Variants in VPS13D observed in about 807,000 individuals in gnomAD.
VPS13D encodes intermembrane lipid transfer protein VPS13D.
In VPS13D, 187 loss-of-function variants were observed where a neutral mutation model predicts 461.9. That is an observed-to-expected ratio of 0.40 (90% CI 0.36 to 0.46). VPS13D has a LOEUF of 0.46. VPS13D is among the 20% of genes least tolerant of loss of function. The pLI, the probability that VPS13D is intolerant of heterozygous loss-of-function variation, is 0.60. For missense variants in VPS13D, 4,711 were observed against 5,364.9 expected, an observed-to-expected ratio of 0.88 and a Z score of 3.81; for synonymous variants, 1,951 against 1,986.3, an observed-to-expected ratio of 0.98 and a Z score of 0.47.
intron 7 of VPS13D, 188 bp from the exon 8 acceptor site, chr1:12,256,145 A>G (rs1046228293): frequency 3.5e-6 from 2 of 576,682 alleles, no homozygotes; most frequent in African/African-American, 3.8e-5. Flanking sequence ...ACAGGGCAAT[A>G]TAGTGAGATC....
Position 12,276,812 on chromosome 1 carries a change from A to C in VPS13D, c.3224A>C (p.Glu1075Ala). 6.2e-7 allele frequency: 1 copy of C among 1,614,206 alleles called. No individual in the cohort carries two copies. Residue 1075 changes from glutamate (E) to alanine (A), a missense_variant, in exon 19 of 70, where the codon GAG (glutamate) becomes GCG (alanine). Coordinates refer to ENST00000620676, the MANE Select transcript of VPS13D (RefSeq NM_015378.4). The surrounding 1 kb of genome is among the most constrained non-coding windows in gnomAD (Gnocchi z 4.5). Reference sequence around the variant, plus strand: ...TCACTTGACAAAATTCTTACCAAAGAGCAAGAGTCCCTTATTAAGTTGGAA... The same window carrying C: ...TCACTTGACAAAATTCTTACCAAAGCGCAAGAGTCCCTTATTAAGTTGGAA... ...SVSLDKILTK[E>A]QESLIKLEYQ... is the part of the protein sequence containing the mutation.
chr1:12,349,332 G>A lies in VPS13D; in HGVS notation c.9389G>A (p.Arg3130Gln), dbSNP rs201384634. The change falls in exon 46 of 70, where the codon CGA becomes CAA. Residue 3130 changes from arginine to glutamine, a missense_variant. Transcript: ENST00000620676. Reference protein sequence around the residue: ...VKTAEISSSKRECHSMDTEKS... With the variant: ...VKTAEISSSKQECHSMDTEKS... Reference sequence around the variant, plus strand: ...ACTGCAGAAATTAGTAGCAGTAAACGAGAGTGCCACTCTATGGACACAGAA... The same window carrying A: ...ACTGCAGAAATTAGTAGCAGTAAACAAGAGTGCCACTCTATGGACACAGAA... 6.8e-6 allele frequency: 11 copies of A among 1,614,138 alleles called. No individual in the cohort carries two copies. Among genetic ancestry groups the A allele is most frequent in the Admixed American group, 3.3e-5 (2 of 60,018 alleles).
At chr1:12,341,981 T>C (rs1643579445) in intron 41 of VPS13D, 96 bp downstream of exon 41, 1 of 1,061,008 alleles carries the variant, frequency 9.4e-7, no homozygotes, top group South Asian at 1.5e-5. Context: ...CTTGAGGCTC[T>C]TGGGATGATA....
rs1643972271 is a variant in VPS13D, at chr1:12,362,926, G to T, written c.10272+76G>T. The T allele has an allele frequency of 1.9e-6, 3 of 1,598,648 alleles. No homozygotes were observed. The Admixed American group carries it at 5.1e-5, about 27-fold the overall frequency. On this transcript the variant is annotated intron_variant, in intron 51 of 69. Coordinates refer to ENST00000620676, the MANE Select transcript of VPS13D (RefSeq NM_015378.4). ...TTTAATGTCATCTTCTGTGAAGACT[G>T]TACGTTCTGTGATGCAAGTAACTGC...
chr1:12,393,541 C>G (rs968109846), intron 60 of VPS13D, among the ~76,000 whole-genome samples: 1 of 152,198 alleles, frequency 6.6e-6, no homozygotes, highest in African/African-American at 2.4e-5. Context: ...GTTAAGCTTA[C>G]GATAATCCAC....
At chr1:12,304,436 A>G in intron 25 of VPS13D, 70 bp from the exon 26 acceptor site, 1 of 1,397,348 alleles carries the variant, frequency 7.2e-7, no homozygotes, top group Non-Finnish European at 9.9e-7. Flanking sequence ...GATATTAAAG[A>G]TAGAGTCCCA....
At chr1:12,261,400 A>G (rs186263306) in intron 12 of VPS13D, among the ~76,000 whole-genome samples, 31 of 152,362 alleles carry the variant, frequency 2.0e-4, no homozygotes, top group Non-Finnish European at 3.1e-4. Flanking sequence ...CAAGTTCAAC[A>G]ATTTTAAACT....
intron 5 of VPS13D, among the ~76,000 whole-genome samples, chr1:12,246,567 A>G (rs1230407176): frequency 6.6e-6 from 1 of 152,228 alleles, no homozygotes; most frequent in Non-Finnish European, 1.5e-5. Flanking sequence ...TGACCTGTAC[A>G]TATACATCTC....
rs370773638 is a variant in VPS13D at position 12,275,538 on chromosome 1, G to C, written c.2237-287G>C. Reference sequence around the variant, plus strand: ...AGCAGCTCACGCCCATGGCAAGGCAGGGGAGAAGTGGGGAGGCAGCATTGG... The same window carrying C: ...AGCAGCTCACGCCCATGGCAAGGCACGGGAGAAGTGGGGAGGCAGCATTGG... On this transcript the variant is annotated intron_variant, in intron 18 of 69. Transcript: ENST00000620676. Among the ~76,000 whole-genome samples, 222 of 152,316 alleles carry C rather than the reference G, an allele frequency of 1.5e-3. 4 individuals are homozygous for C. Among genetic ancestry groups the C allele is most frequent in the African/African-American group, 5.2e-3 (215 of 41,570 alleles).
chr1:12,328,545 CT>C (rs145522516), intron 36 of VPS13D, among the ~76,000 whole-genome samples: 29 of 147,854 alleles, frequency 2.0e-4, no homozygotes, highest in South Asian at 2.2e-4. Context: ...AAGTTGAGGT[CT>C]TTTTTTTTTA....
chr1:12,246,823 C>G (rs757105478), intron 5 of VPS13D, among the ~76,000 whole-genome samples: 6 of 152,200 alleles, frequency 3.9e-5, no homozygotes, highest in Non-Finnish European at 5.9e-5. Context: ...ATGGAATGTT[C>G]TTGCTGAGAG....
chr1:12,452,553 C>T (rs1645276225), intron 65 of VPS13D, among the ~76,000 whole-genome samples: 1 of 152,202 alleles, frequency 6.6e-6, no homozygotes, highest in Non-Finnish European at 1.5e-5. Flanking sequence ...CAGGACTTAC[C>T]TTCCCACTGA....
intron 65 of VPS13D, among the ~76,000 whole-genome samples, chr1:12,439,369 G>A (rs974420373): frequency 6.6e-6 from 1 of 151,994 alleles, no homozygotes; most frequent in African/African-American, 2.4e-5. Flanking sequence ...TGGCCACATG[G>A]TTTTCATCTA....
chr1:12,271,361 G>C (rs1328226825), intron 17 of VPS13D, among the ~76,000 whole-genome samples: 1 of 152,196 alleles, frequency 6.6e-6, no homozygotes. Flanking sequence ...GCACCAGGAT[G>C]AGGTTACTTT....
chr1:12,285,520 C>T (rs1170358680), intron 21 of VPS13D, among the ~76,000 whole-genome samples: 2 of 151,982 alleles, frequency 1.3e-5, no homozygotes, highest in East Asian at 1.9e-4. Context: ...AAACTCCTGA[C>T]CTCAAGTGGT....
intron 18 of VPS13D, 120 bp downstream of exon 18, chr1:12,273,255 A>G: frequency 7.8e-7 from 1 of 1,279,684 alleles, no homozygotes; most frequent in Non-Finnish European, 1.1e-6. Flanking sequence ...ACATTTTTAA[A>G]CTTCAAGGTT....
intron 65 of VPS13D, among the ~76,000 whole-genome samples, chr1:12,450,847 A>G (rs1255755634): frequency 6.6e-6 from 1 of 152,222 alleles, no homozygotes; most frequent in Non-Finnish European, 1.5e-5. Flanking sequence ...TCTCCATCAC[A>G]CTACGGAGTC....
intron 10 of VPS13D, among the ~76,000 whole-genome samples, chr1:12,259,049 T>TG (rs1356182849): frequency 6.6e-6 from 1 of 151,934 alleles, no homozygotes; most frequent in Non-Finnish European, 1.5e-5. Flanking sequence ...CTTCTTCTTT[T>TG]TTTTTTTTGT....
chr1:12,361,008 G>A (rs1318035075), intron 50 of VPS13D, among the ~76,000 whole-genome samples: 1 of 152,286 alleles, frequency 6.6e-6, no homozygotes, highest in African/African-American at 2.4e-5. Flanking sequence ...GTGCTGCTCC[G>A]GAGGCTGACT....
Sources: allele counts gnomAD v4.1 joint callset (sites outside exome capture counted in the v4.1 genomes callset), GRCh38; gene constraint gnomAD v4.1.1; non-coding constraint Gnocchi (gnomAD v3.1); transcripts MANE v1.5; gene names NCBI Gene and HGNC (gene_info 2026-07-23, HGNC 2026-07-21).